Variants in BANK1 observed in about 807,000 individuals in gnomAD.
BANK1 encodes the protein B-cell scaffold protein with ankyrin repeats.
BANK1 carries 95 observed loss-of-function variants against 94.5 expected under a neutral mutation model. The observed-to-expected ratio is 1.00, with a 90% CI of 0.85 to 1.19. BANK1 has a LOEUF of 1.19. Ranked by LOEUF, BANK1 falls within the 50% of genes most tolerant of loss-of-function variation. The pLI, the probability that BANK1 is intolerant of heterozygous loss-of-function variation, is 0.00. For synonymous variants in BANK1, 334 were observed against 308.4 expected (o/e 1.08, Z -0.87); for missense variants, 987 against 932.2 (o/e 1.06, Z -0.77).
chr4:101,969,953 A>G (rs1724898247), intron 7 of BANK1, among the ~76,000 whole-genome samples: 1 of 152,136 alleles, frequency 6.6e-6, no homozygotes, highest in African/African-American at 2.4e-5. Context: ...AGGACCCATT[A>G]TTTGTACAGA....
At chr4:101,971,342 G>A (rs1724945676) in intron 7 of BANK1, among the ~76,000 whole-genome samples, 1 of 152,062 alleles carries the variant, frequency 6.6e-6, no homozygotes, top group Non-Finnish European at 1.5e-5. Context: ...TGGAAATTCT[G>A]ATAACAGCAT....
intron 13 of BANK1, among the ~76,000 whole-genome samples, chr4:102,067,603 T>G (rs1728636114): frequency 6.6e-6 from 1 of 151,970 alleles, no homozygotes; most frequent in South Asian, 2.1e-4. Context: ...GGCAGTTCAC[T>G]AGAAAGATAG....
chr4:101,794,746 T>A lies in BANK1; in HGVS notation c.70+3796T>A, dbSNP rs114175963. 5.2e-3 allele frequency among the ~76,000 whole-genome samples: 788 copies of A among 152,266 alleles called. 7 individuals carry two copies. Among genetic ancestry groups the A allele is most frequent in the African/African-American group, 0.018 (736 of 41,566 alleles). On this transcript the variant is annotated intron_variant, in intron 1 of 16. Coordinates refer to ENST00000322953, the MANE Select transcript of BANK1 (RefSeq NM_017935.5). ...AGCCTTTTAGGCATTTACCCCTGAA[T>A]TGAAATCTCTTTGTTGTTTCTAAGT... is the stretch of plus-strand genomic sequence containing the variant.
At chr4:102,005,697 G>A (rs1186400672) in intron 7 of BANK1, among the ~76,000 whole-genome samples, 1 of 151,964 alleles carries the variant, frequency 6.6e-6, no homozygotes, top group Non-Finnish European at 1.5e-5. Flanking sequence ...AATGAGCAAG[G>A]AATATATTAA....
chr4:101,980,253 T>A (rs769438965), intron 7 of BANK1, among the ~76,000 whole-genome samples: 28 of 151,988 alleles, frequency 1.8e-4, no homozygotes, highest in Middle Eastern at 6.8e-3. Flanking sequence ...TTCATAATTT[T>A]GTTTTCATTT....
chr4:101,939,154 G>A (rs1488452273), intron 7 of BANK1, among the ~76,000 whole-genome samples: 1 of 151,652 alleles, frequency 6.6e-6, no homozygotes, highest in Non-Finnish European at 1.5e-5. Context: ...GCTATTTCCA[G>A]TCAGAACTTC....
chr4:101,908,648 A>T (rs1202128299), intron 6 of BANK1, among the ~76,000 whole-genome samples: 3 of 152,234 alleles, frequency 2.0e-5, no homozygotes, highest in Non-Finnish European at 4.4e-5. Flanking sequence ...AATTTTTGCA[A>T]TCTACTCATC....
At chr4:101,942,058 A>G (rs1439802360) in intron 7 of BANK1, among the ~76,000 whole-genome samples, 2 of 151,888 alleles carry the variant, frequency 1.3e-5, no homozygotes, top group East Asian at 1.9e-4. Context: ...TCAGGAGGTA[A>G]GCCCAAGAAC....
chr4:102,071,032 C>G (rs1728742585), intron 13 of BANK1, among the ~76,000 whole-genome samples: 1 of 152,078 alleles, frequency 6.6e-6, no homozygotes, highest in Admixed American at 6.6e-5. Context: ...TCAAACATAT[C>G]TAAAATCATA....
At chr4:102,048,536 T>C (rs943204710) in intron 11 of BANK1, among the ~76,000 whole-genome samples, 1 of 152,140 alleles carries the variant, frequency 6.6e-6, no homozygotes, top group Non-Finnish European at 1.5e-5. Context: ...GGAAAAGCAG[T>C]ACATACTTCA....
chr4:101,956,715 T>C (rs960575129), intron 7 of BANK1, among the ~76,000 whole-genome samples: 2 of 152,158 alleles, frequency 1.3e-5, no homozygotes. Context: ...TCTGCCTTCC[T>C]GCCAATGTAG....
At chr4:101,923,396 C>G (rs1723062752) in intron 7 of BANK1, among the ~76,000 whole-genome samples, 1 of 151,630 alleles carries the variant, frequency 6.6e-6, no homozygotes, top group African/African-American at 2.4e-5. Context: ...ATTTAGCTCA[C>G]TACTAAAGCT....
At chr4:101,882,108 T>C (rs1728698812) in intron 5 of BANK1, among the ~76,000 whole-genome samples, 1 of 152,156 alleles carries the variant, frequency 6.6e-6, no homozygotes, top group Admixed American at 6.5e-5. Context: ...GATAAATGCT[T>C]GAGGGGATGG....
At chr4:101,942,372 G>A (rs752125440) in intron 7 of BANK1, among the ~76,000 whole-genome samples, 5 of 151,826 alleles carry the variant, frequency 3.3e-5, no homozygotes, top group Non-Finnish European at 7.4e-5. Context: ...AGCCTGTAGT[G>A]GGCATCTTGA....
intron 1 of BANK1, among the ~76,000 whole-genome samples, chr4:101,798,688 G>C (rs578141214): frequency 1.3e-5 from 2 of 152,292 alleles, no homozygotes; most frequent in East Asian, 3.9e-4. Flanking sequence ...CTGTGGTTTT[G>C]ATTTGTATTT....
chr4:101,954,169 C>T (rs73834505), intron 7 of BANK1, among the ~76,000 whole-genome samples: 1 of 152,222 alleles, frequency 6.6e-6, no homozygotes, highest in South Asian at 2.1e-4. Flanking sequence ...TCACAAGGCT[C>T]TCTTAAAAGG....
chr4:102,062,816 T>G lies in BANK1; in HGVS notation c.2149-259T>G, dbSNP rs987903954. The G allele has an allele frequency of 5.4e-5, 20 of 371,352 alleles. 1 individual carries two copies. The highest frequency in any genetic ancestry group is 1.5e-3 in the Middle Eastern group (2 of 1,300). 23.0% of individuals were successfully genotyped at this position (371,352 alleles called of 1,614,324 possible). A position where few individuals can be genotyped will look rare whatever the true frequency, so the allele number is the denominator to read the frequency against. ...TGACTCTACCACTTATAACTATGAA[T>G]TGGGAAAGTTACTGTACCTCTCTGT... On this transcript the variant is annotated intron_variant, in intron 12 of 16. Coordinates refer to ENST00000322953, the MANE Select transcript of BANK1 (RefSeq NM_017935.5).
intron 6 of BANK1, among the ~76,000 whole-genome samples, chr4:101,896,021 T>G (rs1722064244): frequency 1.3e-5 from 2 of 152,074 alleles, no homozygotes; most frequent in South Asian, 4.1e-4. Flanking sequence ...ATGTTTGGGT[T>G]GTGCAATTTC....
chr4:102,058,461 T>TA (rs1174517997), intron 11 of BANK1, among the ~76,000 whole-genome samples: 12 of 151,730 alleles, frequency 7.9e-5, no homozygotes, highest in Admixed American at 3.3e-4. Flanking sequence ...GAAGGTAAAC[T>TA]AAAAAAAATA....
Sources: allele counts gnomAD v4.1 joint callset (sites outside exome capture counted in the v4.1 genomes callset), GRCh38; gene constraint gnomAD v4.1.1; transcripts MANE v1.5; gene names NCBI Gene and HGNC (gene_info 2026-07-23, HGNC 2026-07-21).